The following SCHIP1 variants were observed in gnomAD, a reference collection of about 807,000 sequenced individuals.
SCHIP1 encodes schwannomin-interacting protein 1.
Under a neutral mutation model 29.7 loss-of-function variants are expected in SCHIP1, and 8 were observed. The ratio of observed to expected loss-of-function variants is 0.27; its 90% CI spans 0.16 to 0.49. The LOEUF (loss-of-function observed/expected upper bound fraction) is 0.49, where lower values mean the gene tolerates loss of function less well. Ranked by LOEUF, SCHIP1 falls within the 20% of genes least tolerant of loss-of-function variation. The pLI, the probability that SCHIP1 is intolerant of heterozygous loss-of-function variation, is 0.99. For missense variants in SCHIP1, 193 were observed against 294.6 expected, an observed-to-expected ratio of 0.66 and a Z score of 2.52; for synonymous variants, 76 against 94.9, an observed-to-expected ratio of 0.80 and a Z score of 1.16.
the SCHIP1 span, among the ~76,000 whole-genome samples, chr3:159,815,544 A>G: frequency 7.2e-5 from 11 of 152,226 alleles, no homozygotes; most frequent in Admixed American, 7.2e-4. Context: ...GCTATGATGC[A>G]TTAGTGATGT....
At chr3:159,666,208 A>G in the SCHIP1 span, among the ~76,000 whole-genome samples, 3 of 152,018 alleles carry the variant, frequency 2.0e-5, no homozygotes, top group African/African-American at 7.3e-5. Flanking sequence ...ACACTGAGCA[A>G]CTCCATAGAT....
chr3:159,503,629 A>G, the SCHIP1 span, among the ~76,000 whole-genome samples: 2 of 152,196 alleles, frequency 1.3e-5, no homozygotes, highest in Non-Finnish European at 2.9e-5. Flanking sequence ...GTTTAGCCAC[A>G]TGAGTGGCTG....
At chr3:159,651,439 G>A in the SCHIP1 span, among the ~76,000 whole-genome samples, 1 of 152,148 alleles carries the variant, frequency 6.6e-6, no homozygotes, top group Non-Finnish European at 1.5e-5. Context: ...AAAGCTCCTG[G>A]AAGCCTTTTT....
chr3:159,554,578 CCT>C, the SCHIP1 span, among the ~76,000 whole-genome samples: 9 of 152,092 alleles, frequency 5.9e-5, no homozygotes, highest in Non-Finnish European at 1.0e-4. Context: ...TATTTCTCCC[CCT>C]CTCACCATGC....
chr3:159,501,684 T>C, the SCHIP1 span, among the ~76,000 whole-genome samples: 3 of 152,236 alleles, frequency 2.0e-5, no homozygotes, highest in African/African-American at 4.8e-5. Flanking sequence ...ATTTCATACA[T>C]AGCATTTCTA....
intron 1 of SCHIP1, among the ~76,000 whole-genome samples, chr3:159,863,094 C>A (rs1714232356): frequency 6.6e-6 from 1 of 152,180 alleles, no homozygotes; most frequent in Admixed American, 6.5e-5. Flanking sequence ...GTAATCCCAG[C>A]ACTTTGGGAG....
At chr3:159,812,112 A>AGCCTCCTGAGTAGCTGG in the SCHIP1 span, among the ~76,000 whole-genome samples, 1 of 151,842 alleles carries the variant, frequency 6.6e-6, no homozygotes, top group Non-Finnish European at 1.5e-5. Context: ...CTGGGATTAC[A>AGCCTCCTGAGTAGCTGG]GACACGTGCT....
At chr3:159,495,535 C>G in the SCHIP1 span, among the ~76,000 whole-genome samples, 30 of 152,140 alleles carry the variant, frequency 2.0e-4, no homozygotes, top group East Asian at 3.3e-3. Context: ...AAATACCTAG[C>G]AATCCAACTT....
At chr3:159,439,865 G>T in the SCHIP1 span, among the ~76,000 whole-genome samples, 1 of 152,080 alleles carries the variant, frequency 6.6e-6, no homozygotes, top group Non-Finnish European at 1.5e-5. Context: ...GTTTTGCTGT[G>T]CAGAAGCTCA....
Position 159,866,154 on chromosome 3 carries a change from A to G in SCHIP1, c.31-9A>G. 1 of 1,612,008 alleles carries G rather than the reference A, an allele frequency of 6.2e-7. No homozygotes were observed. The highest frequency in any genetic ancestry group is 8.5e-7 in the Non-Finnish European group (1 of 1,179,052). On this transcript the variant is annotated splice_polypyrimidine_tract_variant and intron_variant, in intron 1 of 6. Transcript: ENST00000445224. ...CTTATCAGCATTTTTTATTTTCTTG[A>G]AATTTTAGGCACAGAAAAATGAGAG... is the stretch of plus-strand genomic sequence containing the variant.
chr3:159,788,227 T>C, the SCHIP1 span, among the ~76,000 whole-genome samples: 8 of 152,254 alleles, frequency 5.3e-5, no homozygotes, highest in South Asian at 1.2e-3. Flanking sequence ...ATTAAGGTAT[T>C]GGGGCTGACA....
At chr3:159,867,713 C>T (rs1714765982) in intron 2 of SCHIP1, among the ~76,000 whole-genome samples, 1 of 152,140 alleles carries the variant, frequency 6.6e-6, no homozygotes, top group Non-Finnish European at 1.5e-5. Flanking sequence ...GCGCTTTGGC[C>T]TAGGAACCTG....
the SCHIP1 span, among the ~76,000 whole-genome samples, chr3:159,573,934 T>A: frequency 0.014 from 2,153 of 152,324 alleles, 53 homozygotes; most frequent in African/African-American, 0.048. Context: ...ATCACAAAGT[T>A]CTCGTGCCAT....
At chr3:159,494,546 T>G in the SCHIP1 span, among the ~76,000 whole-genome samples, 5 of 152,188 alleles carry the variant, frequency 3.3e-5, no homozygotes, top group Non-Finnish European at 5.9e-5. Context: ...CTCTCAAGCC[T>G]AAACCAGGAA....
the SCHIP1 span, among the ~76,000 whole-genome samples, chr3:159,605,346 C>A: frequency 6.6e-6 from 1 of 152,144 alleles, no homozygotes; most frequent in African/African-American, 2.4e-5. Flanking sequence ...GAATTAAAAT[C>A]CCAGTAATTA....
At chr3:159,443,969 G>C in the SCHIP1 span, among the ~76,000 whole-genome samples, 2 of 152,124 alleles carry the variant, frequency 1.3e-5, no homozygotes, top group Non-Finnish European at 2.9e-5. Flanking sequence ...GGAAAGGTTT[G>C]CTTCTGACTA....
the SCHIP1 span, among the ~76,000 whole-genome samples, chr3:159,609,687 C>G: frequency 6.6e-6 from 1 of 152,090 alleles, no homozygotes; most frequent in Non-Finnish European, 1.5e-5. Flanking sequence ...CAGAAGCAGC[C>G]GCTTAAAACC....
chr3:159,742,760 C>T, the SCHIP1 span, among the ~76,000 whole-genome samples: 2,645 of 151,854 alleles, frequency 0.017, 78 homozygotes, highest in African/African-American at 0.061. Flanking sequence ...CTCCACCTCC[C>T]GGGTTCAAGC....
At chr3:159,851,666 C>A (rs1171907875) in intron 1 of SCHIP1, among the ~76,000 whole-genome samples, 1 of 152,216 alleles carries the variant, frequency 6.6e-6, no homozygotes, top group African/African-American at 2.4e-5. Context: ...CATACTTTAA[C>A]CCCAAAGTCT....
Sources: allele counts gnomAD v4.1 joint callset (sites outside exome capture counted in the v4.1 genomes callset), GRCh38; gene constraint gnomAD v4.1.1; transcripts MANE v1.5; gene names NCBI Gene and HGNC (gene_info 2026-07-23, HGNC 2026-07-21).